CDH18: variants seen among roughly 807,000 people sequenced by gnomAD.
CDH18 encodes cadherin-18.
A neutral mutation model predicts 67.9 loss-of-function variants in CDH18; 31 were observed. The ratio of observed to expected loss-of-function variants is 0.46; its 90% CI spans 0.34 to 0.62. CDH18 has a LOEUF of 0.62. CDH18 is among the 20% of genes least tolerant of loss of function. The pLI, the probability that CDH18 is intolerant of heterozygous loss-of-function variation, is 0.01. For missense variants in CDH18, 890 were observed against 975.5 expected (o/e 0.91, Z 1.17); for synonymous variants, 362 against 347.2 (o/e 1.04, Z -0.48).
In CDH18 at chr5:19,520,766, A is replaced by C. The variant is rs772447298; in HGVS notation, c.1403T>G (p.Leu468Trp). Residue 468 changes from leucine (L) to tryptophan (W), a missense_variant, in exon 10 of 13, where the codon TTG (leucine) becomes TGG (tryptophan). This residue lies in a region of CDH18 where 656 missense variants were observed against 668.1 expected (regional missense o/e 0.98). Coordinates refer to ENST00000382275, the MANE Select transcript of CDH18 (RefSeq NM_004934.5). ...VTASEIDNPD[L>W]LSHVTVGIRV... Reference sequence around the variant, plus strand: ...AATACCCACTGTGACATGGCTCAGCAAATCAGGATTATCTGCAAAATACAC... The same window carrying C: ...AATACCCACTGTGACATGGCTCAGCCAATCAGGATTATCTGCAAAATACAC... 2.5e-6 allele frequency: 4 copies of C among 1,613,050 alleles called. No individual in the cohort carries two copies. The South Asian group carries it at 4.4e-5, about 18-fold the overall frequency.
intron 4 of CDH18, among the ~76,000 whole-genome samples, chr5:19,742,030 C>CAAA (rs777797444): frequency 5.3e-5 from 8 of 152,068 alleles, no homozygotes; most frequent in Non-Finnish European, 1.0e-4. Context: ...TTATATAGAT[C>CAAA]AAAAAGATAC....
At chr5:19,774,421 T>TA (rs1175777804) in intron 3 of CDH18, among the ~76,000 whole-genome samples, 2 of 91,006 alleles carry the variant, frequency 2.2e-5, no homozygotes, top group Admixed American at 1.3e-4. Context: ...AAAAATAAAA[T>TA]AAAATTAAAA....
chr5:20,531,079 G>T (rs1756371369), intron 1 of CDH18, among the ~76,000 whole-genome samples: 1 of 152,018 alleles, frequency 6.6e-6, no homozygotes, highest in African/African-American at 2.4e-5. Flanking sequence ...GTGGGCAAAG[G>T]CCATGAACAG....
At chr5:19,517,761 C>T (rs1746261336) in intron 10 of CDH18, among the ~76,000 whole-genome samples, 2 of 152,066 alleles carry the variant, frequency 1.3e-5, no homozygotes, top group Non-Finnish European at 2.9e-5. Flanking sequence ...CCCATTCTCT[C>T]TCATATGCCT....
chr5:20,493,749 A>G (rs1197152090), intron 1 of CDH18, among the ~76,000 whole-genome samples: 3 of 152,080 alleles, frequency 2.0e-5, no homozygotes, highest in Non-Finnish European at 4.4e-5. Context: ...TCAAGTCCTC[A>G]TTGTTTTGGG....
At chr5:19,549,572 G>A (rs1736973004) in intron 8 of CDH18, among the ~76,000 whole-genome samples, 1 of 143,910 alleles carries the variant, frequency 6.9e-6, no homozygotes, top group South Asian at 2.3e-4. Flanking sequence ...TTAAAAAAGA[G>A]AGAATATGTC....
chr5:20,195,048 C>A (rs1738862556), intron 2 of CDH18, among the ~76,000 whole-genome samples: 2 of 151,906 alleles, frequency 1.3e-5, no homozygotes, highest in South Asian at 2.1e-4. Flanking sequence ...ATATAAATAT[C>A]CAACAGTATA....
Position 19,721,311 on chromosome 5 carries a change from A to C in CDH18, c.643+36T>G, listed in dbSNP as rs376648372. Reference sequence around the variant, plus strand: ...CATTGCTTTGCAACTTACTGTAGCAAACGCTTGCATGCGAGTTATGTGTAA... The same window carrying C: ...CATTGCTTTGCAACTTACTGTAGCACACGCTTGCATGCGAGTTATGTGTAA... On this transcript the variant is annotated intron_variant, in intron 5 of 12. Transcript: ENST00000382275. The C allele has an allele frequency of 2.9e-5, 44 of 1,528,430 alleles. No individual in the cohort carries two copies. In the Middle Eastern group the frequency reaches 1.8e-3, roughly 61 times the overall value. 94.7% of individuals were successfully genotyped at this position (1,528,430 alleles called of 1,614,324 possible).
At chr5:19,922,928 T>G (rs1488823155) in intron 2 of CDH18, among the ~76,000 whole-genome samples, 6 of 152,142 alleles carry the variant, frequency 3.9e-5, no homozygotes. Context: ...GTTTAATATC[T>G]CCTCTCAAAT....
intron 2 of CDH18, among the ~76,000 whole-genome samples, chr5:20,035,491 C>T (rs185430408): frequency 2.0e-5 from 3 of 152,022 alleles, no homozygotes; most frequent in Non-Finnish European, 4.4e-5. Flanking sequence ...AAGAGGCTTA[C>T]AATCATGGTG....
chr5:19,627,494 A>AT (rs1751722613), intron 5 of CDH18, among the ~76,000 whole-genome samples: 3 of 152,210 alleles, frequency 2.0e-5, no homozygotes, highest in Admixed American at 2.0e-4. Context: ...AACAGATTGC[A>AT]ACAACTGATT....
chr5:20,034,674 T>A (rs550230991), intron 2 of CDH18, among the ~76,000 whole-genome samples: 7 of 152,146 alleles, frequency 4.6e-5, no homozygotes, highest in African/African-American at 1.7e-4. Context: ...CATAAACTAT[T>A]TGCTCTTCTG....
At chr5:19,892,690 A>T (rs114930254) in intron 2 of CDH18, among the ~76,000 whole-genome samples, 1 of 152,096 alleles carries the variant, frequency 6.6e-6, no homozygotes, top group African/African-American at 2.4e-5. Flanking sequence ...AAAGCCAGTT[A>T]TCAGATCACA....
chr5:19,822,712 G>A (rs1202245122), intron 3 of CDH18, among the ~76,000 whole-genome samples: 1 of 152,168 alleles, frequency 6.6e-6, no homozygotes, highest in Non-Finnish European at 1.5e-5. Context: ...TGGAGGCAGG[G>A]CGAGATCACA....
chr5:19,988,393 G>A (rs372410315), upstream of CDH18, among the ~76,000 whole-genome samples: 2 of 149,388 alleles, frequency 1.3e-5, no homozygotes, highest in African/African-American at 2.5e-5. Flanking sequence ...ACCCCCCACC[G>A]TGCATACTTT....
intron 5 of CDH18, among the ~76,000 whole-genome samples, chr5:19,667,097 A>G (rs1166958175): frequency 2.6e-5 from 4 of 151,956 alleles, no homozygotes; most frequent in South Asian, 2.1e-4. Context: ...ACATATTAAC[A>G]TATGTGTTTG....
At chr5:20,555,109 A>G (rs1416608203) in intron 1 of CDH18, among the ~76,000 whole-genome samples, 1 of 152,166 alleles carries the variant, frequency 6.6e-6, no homozygotes, top group African/African-American at 2.4e-5. Flanking sequence ...ATAAAGACAT[A>G]AAGGTAGTCT....
chr5:20,279,699 CAAAAAAAAAAAA>C lies in CDH18; in HGVS notation c.-579-24206_-579-24195del, dbSNP rs1189257278. On this transcript the variant is annotated intron_variant, in intron 1 of 14. Transcript: ENST00000507958. Reference sequence around the variant, plus strand: ...GGGTGACAAAAGAGAAGCTCTGTCTCAAAAAAAAAAAAAAAAAAAAAAAAAAAAAGCAAAAAC... The same window carrying C: ...GGGTGACAAAAGAGAAGCTCTGTCTCAAAAAAAAAAAAAAAAAGCAAAAAC... Among the ~76,000 whole-genome samples the C allele has an allele frequency of 2.1e-3, 28 of 13,600 alleles. 1 individual carries two copies. Among genetic ancestry groups the C allele is most frequent in the Middle Eastern group, 0.083 (1 of 12 alleles). 8.9% of individuals were successfully genotyped at this position (13,600 alleles called of 152,430 possible). A position where few individuals can be genotyped will look rare whatever the true frequency, so the allele number is the denominator to read the frequency against.
chr5:19,611,605 C>T (rs754225215), intron 6 of CDH18, among the ~76,000 whole-genome samples: 1 of 152,042 alleles, frequency 6.6e-6, no homozygotes, highest in Non-Finnish European at 1.5e-5. Flanking sequence ...TTGAGAAGAG[C>T]CTGTATGACG....
Sources: gnomAD v4.1 joint callset for allele counts (sites outside exome capture counted in the v4.1 genomes callset) on GRCh38, gnomAD v4.1.1 for gene constraint, gnomAD v4.1.1 regional missense constraint, MANE v1.5 for transcripts, NCBI Gene and HGNC (gene_info 2026-07-23, HGNC 2026-07-21) for gene names.